Variants in FRMD6 observed in about 807,000 individuals in gnomAD.
The protein encoded by FRMD6 is FERM domain containing 6.
A neutral mutation model predicts 73.2 loss-of-function variants in FRMD6; 37 were observed. The ratio of observed to expected loss-of-function variants is 0.51; its 90% CI spans 0.39 to 0.66. The LOEUF is 0.66. Ranked by LOEUF, FRMD6 falls within the 30% of genes least tolerant of loss-of-function variation. The pLI is 0.00. For synonymous variants in FRMD6, 273 were observed against 282.2 expected, an observed-to-expected ratio of 0.97 and a Z score of 0.33; for missense variants, 714 against 780.5, an observed-to-expected ratio of 0.91 and a Z score of 1.02.
intron 6 of FRMD6, among the ~76,000 whole-genome samples, chr14:51,705,232 G>A (rs765105673): frequency 1.3e-4 from 19 of 151,966 alleles, no homozygotes; most frequent in African/African-American, 1.7e-4. Flanking sequence ...TACTCTTACC[G>A]AAGCAGTATT....
rs758820405 is a variant in FRMD6, at chr14:51,702,625, T to G, written c.371+37T>G. ...GGGGGTGATTCTAAACGCTTTTTTT[T>G]CCCCCATAGCACTTTTTCTAACATA... On this transcript the variant is annotated intron_variant, in intron 5 of 13. Coordinates refer to ENST00000344768, the MANE Select transcript of FRMD6 (RefSeq NM_001267046.2). 2.0e-6 allele frequency: 3 copies of G among 1,506,446 alleles called. No individual in the cohort carries two copies. The Admixed American group carries it at 5.2e-5, about 26-fold the overall frequency. 93.3% of individuals were successfully genotyped at this position (1,506,446 alleles called of 1,614,324 possible).
chr14:51,702,604 G>T lies in FRMD6; in HGVS notation c.371+16G>T. 6.2e-7 allele frequency: 1 copy of T among 1,601,996 alleles called. No individual in the cohort carries two copies. The highest frequency in any genetic ancestry group is 8.5e-7 in the Non-Finnish European group (1 of 1,172,406). ...GATTGATCAGGTAAGAGGACAGGGG[G>T]TGATTCTAAACGCTTTTTTTTCCCC... On this transcript the variant is annotated intron_variant, in intron 5 of 13. Transcript: ENST00000344768.
intron 2 of FRMD6, among the ~76,000 whole-genome samples, chr14:51,571,605 TC>T (rs2139594206): frequency 6.6e-6 from 1 of 152,286 alleles, no homozygotes; most frequent in South Asian, 2.1e-4. Context: ...TAAATGTGGC[TC>T]CCAAGAGTAC....
At chr14:51,694,407 A>C (rs1274351139) in intron 2 of FRMD6, among the ~76,000 whole-genome samples, 1 of 152,160 alleles carries the variant, frequency 6.6e-6, no homozygotes, top group Admixed American at 6.5e-5. Context: ...GTCCATATAG[A>C]GGCTGGGTGA....
intron 1 of FRMD6, among the ~76,000 whole-genome samples, chr14:51,496,577 G>A (rs946534578): frequency 5.9e-5 from 9 of 152,192 alleles, no homozygotes; most frequent in Middle Eastern, 3.2e-3. Context: ...TAAAAGCTGC[G>A]AAGCCTCTTC....
intron 2 of FRMD6, among the ~76,000 whole-genome samples, chr14:51,695,200 A>G (rs1481841586): frequency 6.6e-6 from 1 of 152,190 alleles, no homozygotes; most frequent in Non-Finnish European, 1.5e-5. Context: ...TAAGGATTAA[A>G]GGTGCTGTAA....
the FRMD6 span, among the ~76,000 whole-genome samples, chr14:51,471,513 A>T: frequency 6.6e-6 from 1 of 152,114 alleles, no homozygotes; most frequent in Non-Finnish European, 1.5e-5. Context: ...AAAAAAAAAA[A>T]AAAAATTGAT....
chr14:51,472,411 C>T, the FRMD6 span, among the ~76,000 whole-genome samples: 1 of 152,174 alleles, frequency 6.6e-6, no homozygotes, highest in Non-Finnish European at 1.5e-5. Context: ...TCACGCCATT[C>T]TCCTGCTTCA....
chr14:51,593,022 T>C (rs1352209465), intron 2 of FRMD6, among the ~76,000 whole-genome samples: 1 of 152,222 alleles, frequency 6.6e-6, no homozygotes, highest in Non-Finnish European at 1.5e-5. Context: ...GCAGAGCTGA[T>C]GGTTATGTGA....
chr14:51,538,509 C>T (rs1251451333), intron 1 of FRMD6, among the ~76,000 whole-genome samples: 1 of 152,066 alleles, frequency 6.6e-6, no homozygotes, highest in Non-Finnish European at 1.5e-5. Flanking sequence ...CTGTTTTCTT[C>T]TGAAAGCTTT....
upstream of FRMD6, chr14:51,650,128 T>G (rs1267366545): frequency 1.3e-5 from 2 of 152,214 alleles, no homozygotes; most frequent in Admixed American, 6.5e-5. Context: ...TACAGTATCC[T>G]TAGAAACTGC....
rs35072700 is a variant in FRMD6 at position 51,557,245 on chromosome 14, C to CAT, written c.-209-13081_-209-13080dup. 4.9e-3 allele frequency among the ~76,000 whole-genome samples: 741 copies of CAT among 149,834 alleles called. 2 individuals are homozygous for CAT. The highest frequency in any genetic ancestry group is 0.013 in the East Asian group (66 of 5,080). ...TCCATCAATGGATGAGAAAATGTGACATATATATATATATATATATATACA... is the reference window on the plus strand; with the variant it reads ...TCCATCAATGGATGAGAAAATGTGACATATATATATATATATATATATATACA... On this transcript the variant is annotated intron_variant, in intron 1 of 14. Coordinates refer to the FRMD6 transcript ENST00000356218.
chr14:51,475,822 G>A, the FRMD6 span, among the ~76,000 whole-genome samples: 1 of 152,152 alleles, frequency 6.6e-6, no homozygotes, highest in Admixed American at 6.5e-5. Flanking sequence ...AGGACAATAA[G>A]CTGTAAATTT....
intron 2 of FRMD6, among the ~76,000 whole-genome samples, chr14:51,696,073 A>G (rs1046827990): frequency 2.6e-5 from 4 of 152,036 alleles, no homozygotes; most frequent in African/African-American, 9.7e-5. Context: ...GGAGAATGCC[A>G]TATGTAATGC....
intron 2 of FRMD6, among the ~76,000 whole-genome samples, chr14:51,603,624 C>T (rs1017043205): frequency 3.1e-4 from 47 of 152,062 alleles, no homozygotes; most frequent in African/African-American, 1.1e-3. Context: ...TAAAAATGTT[C>T]TCCTGGGAGA....
At chr14:51,520,578 T>C (rs971894338) in intron 1 of FRMD6, among the ~76,000 whole-genome samples, 5 of 152,290 alleles carry the variant, frequency 3.3e-5, no homozygotes, top group African/African-American at 1.2e-4. Context: ...GTGTGATATA[T>C]CCATACCATG....
intron 2 of FRMD6, among the ~76,000 whole-genome samples, chr14:51,644,395 A>ACT (rs71121654): frequency 0.24 from 34,379 of 146,066 alleles, 4,171 homozygotes; most frequent in Non-Finnish European, 0.28. Flanking sequence ...ACACTCACTC[A>ACT]CTCTCTCTCT....
At chr14:51,499,068 G>A (rs960434721) in intron 1 of FRMD6, among the ~76,000 whole-genome samples, 17 of 152,294 alleles carry the variant, frequency 1.1e-4, no homozygotes, top group Non-Finnish European at 2.4e-4. Context: ...TCCTGGCAGA[G>A]GTGTGACTTG....
At chr14:51,406,130 G>A in the FRMD6 span, among the ~76,000 whole-genome samples, 1 of 152,026 alleles carries the variant, frequency 6.6e-6, no homozygotes, top group Non-Finnish European at 1.5e-5. Context: ...GTTTGTCAAA[G>A]AGATGGTCAT....
Sources: allele counts gnomAD v4.1 joint callset (sites outside exome capture counted in the v4.1 genomes callset), GRCh38; gene constraint gnomAD v4.1.1; transcripts MANE v1.5; gene names NCBI Gene and HGNC (gene_info 2026-07-23, HGNC 2026-07-21).